STEAP3: variants seen among roughly 807,000 people sequenced by gnomAD.
The protein encoded by STEAP3 is metalloreductase STEAP3.
STEAP3 carries 35 observed loss-of-function variants against 34.9 expected under a neutral mutation model. That is an observed-to-expected ratio of 1.00 (90% confidence interval 0.76 to 1.33). The LOEUF is 1.33. Ranked by LOEUF, STEAP3 falls within the 40% of genes most tolerant of loss-of-function variation. STEAP3 has a pLI of 0.00. For missense variants in STEAP3, 652 were observed against 667.6 expected (o/e 0.98, Z 0.26); for synonymous variants, 281 against 301.6 (o/e 0.93, Z 0.71).
intron 4 of STEAP3, 160 bp downstream of exon 4, chr2:119,248,366 C>A: frequency 3.7e-6 from 3 of 803,514 alleles, no homozygotes; most frequent in Admixed American, 3.0e-5. Context: ...CATCCTCCTG[C>A]CCAAGATTTT....
At chr2:119,235,322 C>G (rs1192789779) in intron 2 of STEAP3, among the ~76,000 whole-genome samples, 1 of 152,172 alleles carries the variant, frequency 6.6e-6, no homozygotes, top group African/African-American at 2.4e-5. Context: ...TCTAGAGGAG[C>G]TCAGAGACAG....
chr2:119,251,227 C>T (rs1443297884), intron 4 of STEAP3, among the ~76,000 whole-genome samples: 3 of 152,154 alleles, frequency 2.0e-5, no homozygotes, highest in African/African-American at 4.8e-5. Context: ...CCACAGGGTC[C>T]CCACATGGCC....
intron 5 of STEAP3, chr2:119,257,750 C>T: frequency 7.2e-7 from 1 of 1,381,622 alleles, no homozygotes; most frequent in Non-Finnish European, 9.3e-7. Flanking sequence ...TGAGCCCCAT[C>T]ACCCTCCCCT....
chr2:119,248,475 G>A (rs938998201), intron 4 of STEAP3: 13 of 477,210 alleles, frequency 2.7e-5, no homozygotes, highest in Admixed American at 7.5e-5. Context: ...CATAGTGGGC[G>A]TTGAGAGGAT....
At chr2:119,225,931 T>A (rs1011049557) in intron 1 of STEAP3, among the ~76,000 whole-genome samples, 2 of 152,230 alleles carry the variant, frequency 1.3e-5, no homozygotes, top group Non-Finnish European at 2.9e-5. Flanking sequence ...GCAGTAAATA[T>A]CGGATCCCTC....
At position 119,260,785 on chromosome 2, in the gene STEAP3, G is replaced by A. The variant is rs143518119; in HGVS notation, c.1216-2272G>A. Among the ~76,000 whole-genome samples the A allele has an allele frequency of 2.6e-5, 4 of 152,310 alleles. No individual in the cohort carries two copies. In the East Asian group the frequency reaches 5.8e-4, roughly 22 times the overall value. On this transcript the variant is annotated intron_variant, in intron 5 of 5. Transcript: ENST00000393110. Reference sequence around the variant, plus strand: ...CAGTCAAGGAGTCTTCTCTTTGGGAGGTGACCACATTAAAATGATAGGAAT... The same window carrying A: ...CAGTCAAGGAGTCTTCTCTTTGGGAAGTGACCACATTAAAATGATAGGAAT...
At chr2:119,230,424 A>G (rs1005989948) in intron 1 of STEAP3, among the ~76,000 whole-genome samples, 196 bp from the exon 2 acceptor site, 2 of 152,182 alleles carry the variant, frequency 1.3e-5, no homozygotes, top group Non-Finnish European at 2.9e-5. Context: ...AAAGATGACA[A>G]TGAAGCCTTT....
At chr2:119,224,300 C>T (rs2104778900) in intron 1 of STEAP3, among the ~76,000 whole-genome samples, 1 of 152,346 alleles carries the variant, frequency 6.6e-6, no homozygotes, top group East Asian at 1.9e-4. Context: ...CGGGGATCTT[C>T]CAGGCTCTTC....
At chr2:119,257,459 T>C in intron 5 of STEAP3, 3 of 1,525,356 alleles carry the variant, frequency 2.0e-6, no homozygotes, top group South Asian at 2.5e-5. Flanking sequence ...TGCCGCAGTG[T>C]GTGGCAACTT....
intron 2 of STEAP3, among the ~76,000 whole-genome samples, chr2:119,231,695 A>G (rs188300200): frequency 1.3e-3 from 201 of 152,212 alleles, no homozygotes; most frequent in South Asian, 8.7e-3. Flanking sequence ...TCTCTTTTGT[A>G]GGAACTTCTC....
intron 5 of STEAP3, among the ~76,000 whole-genome samples, chr2:119,257,154 T>G (rs541235539): frequency 6.6e-6 from 1 of 152,306 alleles, no homozygotes; most frequent in East Asian, 1.9e-4. Context: ...ATTTTAAAAA[T>G]GAAATAAAAT....
chr2:119,247,565 T>G, intron 3 of STEAP3, 114 bp from the exon 4 acceptor site: 2 of 1,217,260 alleles, frequency 1.6e-6, no homozygotes, highest in South Asian at 3.2e-5. Flanking sequence ...GACTGGCAGC[T>G]CACTTGAACA....
intron 5 of STEAP3, 49 bp downstream of exon 5, chr2:119,254,897 A>G: frequency 6.3e-7 from 1 of 1,587,170 alleles, no homozygotes; most frequent in Non-Finnish European, 8.6e-7. Flanking sequence ...GCCCTGGCCC[A>G]CCTCTCATGA....
chr2:119,255,068 C>T (rs1025595774), intron 5 of STEAP3, among the ~76,000 whole-genome samples: 1 of 152,198 alleles, frequency 6.6e-6, no homozygotes. Flanking sequence ...GGAAGCCAGA[C>T]ACAGGCATGT....
chr2:119,231,541 G>A (rs976180578), intron 2 of STEAP3, among the ~76,000 whole-genome samples: 1 of 152,144 alleles, frequency 6.6e-6, no homozygotes, highest in Non-Finnish European at 1.5e-5. Context: ...CGAAAATCTA[G>A]CTGTTTGTAA....
At chr2:119,231,650 G>A (rs766458892) in intron 2 of STEAP3, among the ~76,000 whole-genome samples, 4 of 152,028 alleles carry the variant, frequency 2.6e-5, no homozygotes, top group Non-Finnish European at 5.9e-5. Flanking sequence ...GTATTTCTGC[G>A]GGGATTGGCT....
At position 119,247,737 on chromosome 2, in the gene STEAP3, C is replaced by A. The variant is rs974721161; in HGVS notation, c.581C>A (p.Ala194Asp). ...AKRAVSEMALAMGFMPVDMGS... is the reference protein window; with the variant it reads ...AKRAVSEMALDMGFMPVDMGS... ...CGTGCTGTCTCGGAGATGGCGCTCGCCATGGGCTTCATGCCCGTGGACATG... is the reference window on the plus strand; with the variant it reads ...CGTGCTGTCTCGGAGATGGCGCTCGACATGGGCTTCATGCCCGTGGACATG... Residue 194 changes from alanine to aspartate, a missense_variant, in exon 4 of 6, where the codon GCC becomes GAC. Transcript: ENST00000393110. 1.3e-6 allele frequency: 2 copies of A among 1,589,904 alleles called. No homozygotes were observed. Among genetic ancestry groups the A allele is most frequent in the Non-Finnish European group, 1.7e-6 (2 of 1,169,674 alleles).
At position 119,245,879 on chromosome 2, in the gene STEAP3, C is replaced by G; in HGVS notation, c.413C>G (p.Ser138Cys). The change falls in exon 3 of 6, where the codon TCC becomes TGC. Residue 138 changes from serine to cysteine, a missense_variant. Coordinates refer to ENST00000393110, the MANE Select transcript of STEAP3 (RefSeq NM_182915.3). ...CAAGAGCACCTTCAGCATCGTGAGT[C>G]CAATGCTGAGTACCTGGCCTCCCTC... ...TEQEHLQHRE[S>C]NAEYLASLFP... The G allele has an allele frequency of 6.2e-7, 1 of 1,614,110 alleles. No individual in the cohort carries two copies. The highest frequency in any genetic ancestry group is 8.5e-7 in the Non-Finnish European group (1 of 1,180,030).
chr2:119,232,558 T>C (rs895768869), intron 2 of STEAP3, among the ~76,000 whole-genome samples: 2 of 152,202 alleles, frequency 1.3e-5, no homozygotes, highest in African/African-American at 4.8e-5. Context: ...CCGGAGTTTC[T>C]ACATGGGGCA....
Sources: gnomAD v4.1 joint callset for allele counts (sites outside exome capture counted in the v4.1 genomes callset) on GRCh38, gnomAD v4.1.1 for gene constraint, MANE v1.5 for transcripts, NCBI Gene and HGNC (gene_info 2026-07-23, HGNC 2026-07-21) for gene names.